ABCC2: variants seen among roughly 807,000 people sequenced by gnomAD.
ABCC2 encodes ATP-binding cassette sub-family C member 2.
In ABCC2, 157 loss-of-function variants were observed where a neutral mutation model predicts 173.4. That is an observed-to-expected ratio of 0.91 (90% CI 0.80 to 1.03). The LOEUF (loss-of-function observed/expected upper bound fraction) is 1.03. Ranked by LOEUF, ABCC2 falls within the 50% of genes least tolerant of loss-of-function variation. The pLI, the probability that ABCC2 is intolerant of heterozygous loss-of-function variation, is 0.00. For synonymous variants in ABCC2, 657 were observed against 693.5 expected, an observed-to-expected ratio of 0.95 and a Z score of 0.83; for missense variants, 1,822 against 1,852.3, an observed-to-expected ratio of 0.98 and a Z score of 0.30.
At chr10:99,787,408 T>C (rs563798508) in intron 2 of ABCC2, among the ~76,000 whole-genome samples, 18 of 152,354 alleles carry the variant, frequency 1.2e-4, no homozygotes, top group Admixed American at 1.2e-3. Context: ...TCAAGGTTTA[T>C]CTATGCTGTA....
rs1363575208 is a variant in ABCC2, at chr10:99,792,299, T to C, written c.273T>C (p.Ser91=). ...TGGCCCTTGTACTCACAGAAGACTC[T>C]GGACAAGCCACAGTCCCTGCTGTTC... is the stretch of plus-strand genomic sequence containing the variant. The part of the protein sequence containing the change: ...IELALVLTED[S]GQATVPAVRY... Residue 91 remains serine, a synonymous_variant, in exon 3 of 32, where the codon TCT becomes TCC. Transcript: ENST00000647814. 2 of 1,614,012 alleles carry C rather than the reference T, an allele frequency of 1.2e-6. No individual in the cohort carries two copies. Among genetic ancestry groups the C allele is most frequent in the Non-Finnish European group, 1.7e-6 (2 of 1,180,000 alleles).
chr10:99,852,051 G>T lies in ABCC2; in HGVS notation c.*420G>T, dbSNP rs1289378599. On this transcript the variant is annotated 3_prime_UTR_variant, in exon 32 of 32. Transcript: ENST00000647814. Reference sequence around the variant, plus strand: ...ATATTATATCTGAGATTCATCCATGGTGATGCAAATAGGTGCATTATTTTT... The same window carrying T: ...ATATTATATCTGAGATTCATCCATGTTGATGCAAATAGGTGCATTATTTTT... 1 of 173,366 alleles carries T rather than the reference G, an allele frequency of 5.8e-6. No individual in the cohort carries two copies. Among genetic ancestry groups the T allele is most frequent in the Non-Finnish European group, 1.2e-5 (1 of 80,822 alleles). 10.7% of individuals were successfully genotyped at this position (173,366 alleles called of 1,614,324 possible).
chr10:99,787,955 C>T (rs534487792), intron 2 of ABCC2, among the ~76,000 whole-genome samples: 6 of 151,970 alleles, frequency 3.9e-5, no homozygotes, highest in Non-Finnish European at 7.4e-5. Context: ...CCCAGCTACT[C>T]GGGAGGCTGA....
chr10:99,793,440 A>G, intron 3 of ABCC2, 111 bp from the exon 4 acceptor site: 3 of 1,505,286 alleles, frequency 2.0e-6, no homozygotes, highest in Non-Finnish European at 2.8e-6. Flanking sequence ...ATTAGTCACG[A>G]CAGTCTCCTC....
At chr10:99,845,803 G>A (rs780787324) in intron 29 of ABCC2, 21 bp downstream of exon 29, 5 of 1,601,836 alleles carry the variant, frequency 3.1e-6, no homozygotes, top group East Asian at 2.2e-5. Flanking sequence ...GAACTTACTC[G>A]GGCACATGCC....
intron 25 of ABCC2, among the ~76,000 whole-genome samples, chr10:99,838,178 C>G (rs1486887763): frequency 4.1e-4 from 28 of 67,512 alleles, no homozygotes; most frequent in Admixed American, 5.1e-4. Context: ...CCCTCCCGGA[C>G]GGGGCGGCTG....
intron 16 of ABCC2, 57 bp downstream of exon 16, chr10:99,813,201 C>A: frequency 5.0e-6 from 8 of 1,595,722 alleles, no homozygotes; most frequent in South Asian, 3.4e-5. Flanking sequence ...CAGCTTCGTG[C>A]TTTTGCCTCA....
At chr10:99,795,259 G>T (rs1320447569) in intron 6 of ABCC2, among the ~76,000 whole-genome samples, 1 of 152,154 alleles carries the variant, frequency 6.6e-6, no homozygotes, top group African/African-American at 2.4e-5. Context: ...TTGAAATATA[G>T]TTACCAAAAT....
intron 19 of ABCC2, among the ~76,000 whole-genome samples, chr10:99,829,038 C>G (rs1017993042): frequency 6.6e-6 from 1 of 151,752 alleles, no homozygotes; most frequent in African/African-American, 2.4e-5. Context: ...TCTTATTTGC[C>G]CCAAGTGTTA....
chr10:99,792,266 C>T lies in ABCC2; in HGVS notation c.240C>T (p.Ala80=). The part of the protein sequence containing the change: ...VFVGFLLILA[A]IELALVLTED... ...TTGGTTTTCTTCTTATTCTAGCAGC[C>T]ATAGAGCTGGCCCTTGTACTCACAG... The change falls in exon 3 of 32, where the codon GCC becomes GCT. Residue 80 remains alanine, a synonymous_variant. Transcript: ENST00000647814. The T allele has an allele frequency of 6.2e-7, 1 of 1,614,120 alleles. No homozygotes were observed.
intron 17 of ABCC2, among the ~76,000 whole-genome samples, chr10:99,818,411 A>G (rs1361801166): frequency 6.6e-6 from 1 of 152,224 alleles, no homozygotes; most frequent in Non-Finnish European, 1.5e-5. Flanking sequence ...ATGAAGATAC[A>G]GCTCTGGAGT....
chr10:99,814,458 CATACACACAT>C (rs2038325912), intron 16 of ABCC2, among the ~76,000 whole-genome samples: 2 of 59,458 alleles, frequency 3.4e-5, no homozygotes, highest in Admixed American at 2.9e-4. Context: ...TGTGTATATA[CATACACACAT>C]ATGTGTGTAT....
In ABCC2 at chr10:99,843,886, A is replaced by C; in HGVS notation, c.3829A>C (p.Lys1277Gln). Residue 1277 changes from lysine to glutamine, a missense_variant, in exon 27 of 32, where the codon AAA becomes CAA. By Grantham distance (53) the Lys-to-Gln change is moderately conservative. Coordinates refer to ENST00000647814, the MANE Select transcript of ABCC2 (RefSeq NM_000392.5). ...TGTTGAGCGAATAACTGAGTACACA[A>C]AAGTGGAAAATGAGGTAAGGAGGAA... ...VAVERITEYT[K>Q]VENEAPWVTD... 1 of 1,614,100 alleles carries C rather than the reference A, an allele frequency of 6.2e-7. No individual in the cohort carries two copies. Among genetic ancestry groups the C allele is most frequent in the Non-Finnish European group, 8.5e-7 (1 of 1,179,904 alleles).
chr10:99,841,881 T>G, intron 25 of ABCC2, 86 bp from the exon 26 acceptor site: 248 of 1,593,388 alleles, frequency 1.6e-4, no homozygotes, highest in Non-Finnish European at 2.0e-4. Context: ...TCAAACCCTC[T>G]GAGAATGTTC....
chr10:99,814,132 T>TGTATATATACAC (rs1373018246), intron 16 of ABCC2, among the ~76,000 whole-genome samples: 3 of 66,556 alleles, frequency 4.5e-5, no homozygotes, highest in Non-Finnish European at 6.3e-5. Flanking sequence ...CACATATGTG[T>TGTATATATACAC]GTATATATAC....
intron 24 of ABCC2, 94 bp downstream of exon 24, chr10:99,834,629 G>A: frequency 7.0e-7 from 1 of 1,431,494 alleles, no homozygotes; most frequent in Non-Finnish European, 9.8e-7. Context: ...TTCATTGCTA[G>A]TCACTCACTC....
At chr10:99,797,033 A>T in intron 6 of ABCC2, 64 bp from the exon 7 acceptor site, 1 of 1,390,668 alleles carries the variant, frequency 7.2e-7, no homozygotes, top group Non-Finnish European at 1.0e-6. Context: ...GTTCTGATAG[A>T]AGTGGTGGAG....
At chr10:99,816,153 A>C (rs1223647096) in intron 16 of ABCC2, among the ~76,000 whole-genome samples, 1 of 151,540 alleles carries the variant, frequency 6.6e-6, no homozygotes, top group East Asian at 1.9e-4. Flanking sequence ...TTTTTAGTAG[A>C]GACAGGGTTT....
chr10:99,800,246 G>A (rs1007331875), intron 8 of ABCC2, 140 bp from the exon 9 acceptor site: 9 of 912,336 alleles, frequency 9.9e-6, no homozygotes, highest in Non-Finnish European at 1.4e-5. Context: ...GTAGACTTAG[G>A]TCTTTCAAAG....
Sources: allele counts gnomAD v4.1 joint callset (sites outside exome capture counted in the v4.1 genomes callset), GRCh38; gene constraint gnomAD v4.1.1; transcripts MANE v1.5; gene names NCBI Gene and HGNC (gene_info 2026-07-23, HGNC 2026-07-21).